SPTSSA: variants seen among roughly 807,000 people sequenced by gnomAD.
SPTSSA encodes the protein serine palmitoyltransferase small subunit A.
In SPTSSA, 8 loss-of-function variants were observed where a neutral mutation model predicts 9.1. The ratio of observed to expected loss-of-function variants is 0.88; its 90% CI spans 0.51 to 1.58. SPTSSA has a LOEUF of 1.58. Ranked by LOEUF, SPTSSA falls within the 40% of genes most tolerant of loss-of-function variation. SPTSSA has a pLI of 0.00. For missense variants in SPTSSA, 100 were observed against 93.8 expected, an observed-to-expected ratio of 1.07 and a Z score of -0.27; for synonymous variants, 42 against 37.7, an observed-to-expected ratio of 1.11 and a Z score of -0.41.
At chr14:34,455,838 A>T (rs928433319) in intron 1 of SPTSSA, among the ~76,000 whole-genome samples, 1 of 151,930 alleles carries the variant, frequency 6.6e-6, no homozygotes, top group African/African-American at 2.4e-5. Context: ...AGGCTGAGGA[A>T]TGAGGATTGC....
At chr14:34,455,408 A>G (rs978100258) in intron 1 of SPTSSA, among the ~76,000 whole-genome samples, 4 of 152,006 alleles carry the variant, frequency 2.6e-5, no homozygotes, top group Non-Finnish European at 5.9e-5. Flanking sequence ...AAAAAGGAGT[A>G]TATTTTTTAT....
At chr14:34,436,293 TG>T (rs1883240187) in intron 1 of SPTSSA, among the ~76,000 whole-genome samples, 1 of 152,184 alleles carries the variant, frequency 6.6e-6, no homozygotes, top group African/African-American at 2.4e-5. Context: ...GAACTGAAAC[TG>T]TATATATGGA....
At chr14:34,462,058 C>T in intron 1 of SPTSSA, 38 bp downstream of exon 1, 1 of 1,304,600 alleles carries the variant, frequency 7.7e-7, no homozygotes, top group Non-Finnish European at 9.9e-7. Context: ...GCCCGCGCCC[C>T]CAGCCCGGCC....
chr14:34,438,601 AC>A (rs1377897846), intron 1 of SPTSSA, among the ~76,000 whole-genome samples: 1 of 152,110 alleles, frequency 6.6e-6, no homozygotes, highest in African/African-American at 2.4e-5. Flanking sequence ...CTCCAAAACT[AC>A]CTCTTCCTAC....
At chr14:34,446,701 G>A (rs537178677) in intron 1 of SPTSSA, among the ~76,000 whole-genome samples, 71 of 152,184 alleles carry the variant, frequency 4.7e-4, no homozygotes, top group Non-Finnish European at 8.4e-4. Context: ...ATGGTTTAAA[G>A]TGAAAGAAGC....
At position 34,448,990 on chromosome 14, in the gene SPTSSA, A is replaced by T. The variant is rs562050680; in HGVS notation, c.112+13106T>A. ...ACTCCAGCCTGGATGACAGAGTGAG[A>T]CTCTATCTAAAAAGATAAAAAGTTT... On this transcript the variant is annotated intron_variant, in intron 1 of 1. Coordinates refer to ENST00000298130, the MANE Select transcript of SPTSSA (RefSeq NM_138288.4). Among the ~76,000 whole-genome samples, 9 of 152,206 alleles carry T rather than the reference A, an allele frequency of 5.9e-5. No individual in the cohort carries two copies. In the East Asian group the frequency reaches 1.7e-3, roughly 29 times the overall value.
intron 1 of SPTSSA, among the ~76,000 whole-genome samples, chr14:34,446,741 G>A (rs956394201): frequency 1.3e-5 from 2 of 152,168 alleles, no homozygotes; most frequent in Non-Finnish European, 2.9e-5. Context: ...CTCATGATAG[G>A]CTCTCTAGCA....
At chr14:34,456,470 A>T (rs1251685449) in intron 1 of SPTSSA, among the ~76,000 whole-genome samples, 1 of 152,208 alleles carries the variant, frequency 6.6e-6, no homozygotes, top group Non-Finnish European at 1.5e-5. Flanking sequence ...GGTGAATCTA[A>T]TTCCTAACAT....
intron 1 of SPTSSA, among the ~76,000 whole-genome samples, chr14:34,437,436 G>C (rs1204068174): frequency 6.6e-6 from 1 of 152,198 alleles, no homozygotes; most frequent in African/African-American, 2.4e-5. Flanking sequence ...TAGTATAGCA[G>C]CCATGCCCTT....
In SPTSSA at chr14:34,446,419, GA is replaced by G. The variant is rs1182854598; in HGVS notation, c.113-11116del. Among the ~76,000 whole-genome samples the G allele has an allele frequency of 5.3e-5, 8 of 152,272 alleles. No homozygotes were observed. In the East Asian group the frequency reaches 1.5e-3, roughly 29 times the overall value. On this transcript the variant is annotated intron_variant, in intron 1 of 1. Transcript: ENST00000298130. The stretch of plus-strand genomic sequence containing the variant: ...TACATCTCTACAAACAATAGAAGTG[GA>G]AAAGGGGTCTGTTATGTGGATTTAT...
At chr14:34,455,956 CTAAGTTG>C (rs1273187975) in intron 1 of SPTSSA, among the ~76,000 whole-genome samples, 2 of 149,532 alleles carry the variant, frequency 1.3e-5, no homozygotes, top group Non-Finnish European at 3.0e-5. Flanking sequence ...CTTTTTAATT[CTAAGTTG>C]TAAGTATCTG....
At chr14:34,440,755 C>T (rs1319270933) in intron 1 of SPTSSA, among the ~76,000 whole-genome samples, 1 of 152,046 alleles carries the variant, frequency 6.6e-6, no homozygotes, top group Non-Finnish European at 1.5e-5. Flanking sequence ...GTGGCGCATG[C>T]CTGTAATCCC....
At chr14:34,446,729 C>G (rs1367360495) in intron 1 of SPTSSA, among the ~76,000 whole-genome samples, 2 of 152,176 alleles carry the variant, frequency 1.3e-5, no homozygotes, top group African/African-American at 4.8e-5. Flanking sequence ...AGAAATGTAT[C>G]CCTCATGATA....
At position 34,435,123 on chromosome 14, in the gene SPTSSA, T is replaced by G; in HGVS notation, c.*78A>C. 9.0e-7 allele frequency: 1 copy of G among 1,106,282 alleles called. No homozygotes were observed. Among genetic ancestry groups the G allele is most frequent in the South Asian group, 1.4e-5 (1 of 69,800 alleles). 68.5% of individuals were successfully genotyped at this position (1,106,282 alleles called of 1,614,324 possible). A position where few individuals can be genotyped will look rare whatever the true frequency, so the allele number is the denominator to read the frequency against. ...TATGTTGACATCTAGAAGAGTTTCT[T>G]ATCACATCTGATGGTCTCATTCCAA... On this transcript the variant is annotated 3_prime_UTR_variant, in exon 2 of 2. Transcript: ENST00000298130.
At chr14:34,459,527 TC>T (rs1490215004) in intron 1 of SPTSSA, among the ~76,000 whole-genome samples, 5 of 151,082 alleles carry the variant, frequency 3.3e-5, no homozygotes, top group African/African-American at 1.2e-4. Context: ...ATGCCTGTAA[TC>T]CCAGCATTTT....
At chr14:34,455,159 G>A (rs968040996) in intron 1 of SPTSSA, among the ~76,000 whole-genome samples, 1 of 151,528 alleles carries the variant, frequency 6.6e-6, no homozygotes, top group Admixed American at 6.6e-5. Context: ...AGGCCGAGGT[G>A]GGCGGATCAC....
At chr14:34,439,766 TTCA>T (rs1883290786) in intron 1 of SPTSSA, among the ~76,000 whole-genome samples, 1 of 152,168 alleles carries the variant, frequency 6.6e-6, no homozygotes, top group Non-Finnish European at 1.5e-5. Context: ...AGTTAAGCAC[TTCA>T]TCAAGTTCCA....
chr14:34,449,572 G>A (rs1883483339), intron 1 of SPTSSA, among the ~76,000 whole-genome samples: 1 of 144,766 alleles, frequency 6.9e-6, no homozygotes, highest in African/African-American at 2.6e-5. Context: ...GCACGATCTT[G>A]GCTCACTGTA....
rs1883200292 is a variant in SPTSSA, at chr14:34,434,001, T to C, written c.*1200A>G. On this transcript the variant is annotated 3_prime_UTR_variant, in exon 2 of 2. Coordinates refer to ENST00000298130, the MANE Select transcript of SPTSSA (RefSeq NM_138288.4). Reference sequence around the variant, plus strand: ...CAAAAAAACAACCCAGCAACACACATAATTGCCTAATTCTTTTCAATTAGC... The same window carrying C: ...CAAAAAAACAACCCAGCAACACACACAATTGCCTAATTCTTTTCAATTAGC... The C allele has an allele frequency of 6.6e-6, 1 of 150,888 alleles. No homozygotes were observed. Among genetic ancestry groups the C allele is most frequent in the Non-Finnish European group, 1.5e-5 (1 of 67,854 alleles). 9.3% of individuals were successfully genotyped at this position (150,888 alleles called of 1,614,324 possible).
Sources: gnomAD v4.1 joint callset for allele counts (sites outside exome capture counted in the v4.1 genomes callset) on GRCh38, gnomAD v4.1.1 for gene constraint, MANE v1.5 for transcripts, NCBI Gene and HGNC (gene_info 2026-07-23, HGNC 2026-07-21) for gene names.